The following ASXL2 variants were observed in gnomAD, a reference collection of about 807,000 sequenced individuals.
ASXL2 encodes the protein ASXL transcriptional regulator 2.
ASXL2 carries 23 observed loss-of-function variants against 122.0 expected under a neutral mutation model. That is an observed-to-expected ratio of 0.19 (90% CI 0.14 to 0.27). The LOEUF is 0.27. ASXL2 is among the 10% of genes least tolerant of loss of function. ASXL2 has a pLI of 1.00. For synonymous variants in ASXL2, 650 were observed against 637.0 expected, an observed-to-expected ratio of 1.02 and a Z score of -0.31; for missense variants, 1,518 against 1,713.8, an observed-to-expected ratio of 0.89 and a Z score of 2.02.
At chr2:25,867,740 T>C (rs1039498011) in intron 1 of ASXL2, among the ~76,000 whole-genome samples, 3 of 152,246 alleles carry the variant, frequency 2.0e-5, no homozygotes, top group Non-Finnish European at 4.4e-5. Flanking sequence ...TCTTCCATTA[T>C]GCTACACAAC....
chr2:25,855,911 A>ATTTATTTATT (rs60921801), intron 1 of ASXL2, among the ~76,000 whole-genome samples: 1 of 150,828 alleles, frequency 6.6e-6, no homozygotes, highest in Non-Finnish European at 1.5e-5. Context: ...TTATTTATTT[A>ATTTATTTATT]GAGACAGAGT....
rs536744755 is a variant in ASXL2 at position 25,760,094 on chromosome 2, T to C, written c.776-449A>G. 3.9e-5 allele frequency among the ~76,000 whole-genome samples: 6 copies of C among 152,188 alleles called. No homozygotes were observed. In the East Asian group the frequency reaches 1.2e-3, roughly 29 times the overall value. On this transcript the variant is annotated intron_variant, in intron 8 of 12. Coordinates refer to ENST00000435504, the MANE Select transcript of ASXL2 (RefSeq NM_018263.6). ...TAATTTACATTGGCTAAAAATATTATGATTTAATAGCCTAGCAGTTTCAGG... is the reference window on the plus strand; with the variant it reads ...TAATTTACATTGGCTAAAAATATTACGATTTAATAGCCTAGCAGTTTCAGG...
intron 3 of ASXL2, chr2:25,810,449 C>T (rs563624844): frequency 2.8e-5 from 20 of 708,940 alleles, no homozygotes; most frequent in South Asian, 1.4e-4. Context: ...GCAGTGGCCA[C>T]GTGCTCCTGA....
chr2:25,842,444 CCTG>C (rs951867464), intron 2 of ASXL2, among the ~76,000 whole-genome samples: 8 of 151,884 alleles, frequency 5.3e-5, no homozygotes, highest in African/African-American at 1.9e-4. Context: ...TCCATTTTTT[CCTG>C]CTGTTTTTGT....
intron 3 of ASXL2, among the ~76,000 whole-genome samples, chr2:25,814,675 G>A (rs1553701795): frequency 6.6e-6 from 1 of 152,210 alleles, no homozygotes; most frequent in Non-Finnish European, 1.5e-5. Context: ...AAGGCCCAAA[G>A]AACTAAAGTG....
Position 25,743,162 on chromosome 2 carries a change from T to C in ASXL2, c.3175A>G (p.Ser1059Gly). Residue 1059 changes from serine (S) to glycine (G), a missense_variant, in exon 13 of 13, where the codon AGT becomes GGT. Physicochemically the swap from Ser to Gly is moderately conservative, Grantham distance 56 (BLOSUM62 0). Coordinates refer to ENST00000435504, the MANE Select transcript of ASXL2 (RefSeq NM_018263.6). Reference protein sequence around the residue: ...IDTHQYHEGLSKATQDQILQT... With the variant: ...IDTHQYHEGLGKATQDQILQT... Reference sequence around the variant, plus strand: ...AGGATCTGATCTTGGGTTGCTTTACTTAGTCCTTCGTGGTATTGGTGTGTG... The same window carrying C: ...AGGATCTGATCTTGGGTTGCTTTACCTAGTCCTTCGTGGTATTGGTGTGTG... 1 of 1,614,030 alleles carries C rather than the reference T, an allele frequency of 6.2e-7. No homozygotes were observed. The highest frequency in any genetic ancestry group is 8.5e-7 in the Non-Finnish European group (1 of 1,179,896).
chr2:25,831,516 T>C (rs968187261), intron 3 of ASXL2, among the ~76,000 whole-genome samples: 1 of 151,928 alleles, frequency 6.6e-6, no homozygotes, highest in Non-Finnish European at 1.5e-5. Context: ...TAGATAGGCA[T>C]GGTGGTGCAC....
chr2:25,868,706 A>C (rs2089930281), intron 1 of ASXL2, among the ~76,000 whole-genome samples: 1 of 152,212 alleles, frequency 6.6e-6, no homozygotes, highest in African/African-American at 2.4e-5. Flanking sequence ...AATATATTTG[A>C]CTAGCTTTAT....
At chr2:25,865,212 C>G (rs1364545728) in intron 1 of ASXL2, among the ~76,000 whole-genome samples, 1 of 149,990 alleles carries the variant, frequency 6.7e-6, no homozygotes, top group East Asian at 2.1e-4. Context: ...GGGTGGCTCA[C>G]TTGAGGCCAG....
intron 3 of ASXL2, among the ~76,000 whole-genome samples, chr2:25,832,571 C>CA (rs371192944): frequency 4.4e-3 from 625 of 140,848 alleles, no homozygotes; most frequent in African/African-American, 0.013. Context: ...CAGCATGGGC[C>CA]AAAAAAAAAA....
intron 3 of ASXL2, among the ~76,000 whole-genome samples, chr2:25,818,128 C>T (rs140252194): frequency 8.4e-4 from 128 of 152,306 alleles, no homozygotes; most frequent in African/African-American, 3.0e-3. Flanking sequence ...GCTTTGCAAA[C>T]CTATGATAGA....
intron 1 of ASXL2, chr2:25,857,090 C>CGGGGG (rs768937739): frequency 2.2e-4 from 13 of 58,458 alleles, no homozygotes; most frequent in African/African-American, 6.1e-4. Context: ...TTGGGGGGGG[C>CGGGGG]GGGGGGGGGG....
intron 3 of ASXL2, among the ~76,000 whole-genome samples, chr2:25,832,936 TC>T (rs2089470920): frequency 6.6e-6 from 1 of 151,968 alleles, no homozygotes; most frequent in African/African-American, 2.4e-5. Flanking sequence ...GGGGAGCCAA[TC>T]CCAGATGGTT....
intron 3 of ASXL2, among the ~76,000 whole-genome samples, chr2:25,833,966 G>C (rs2089481883): frequency 6.6e-6 from 1 of 152,122 alleles, no homozygotes; most frequent in South Asian, 2.1e-4. Flanking sequence ...TCTTGCCTTT[G>C]AGTCTGAGTC....
rs1278125099 is a variant in ASXL2 at position 25,743,730 on chromosome 2, T to C, written c.2607A>G (p.Ser869=). The change falls in exon 13 of 13, where the codon TCA becomes TCG. Residue 869 remains serine, a synonymous_variant. Coordinates refer to ENST00000435504, the MANE Select transcript of ASXL2 (RefSeq NM_018263.6). Reference sequence around the variant, plus strand: ...CACTAGCATCTGTCTTTGATGAGGCTGAAGGGTTAGGTATATTCTTACTAG... The same window carrying C: ...CACTAGCATCTGTCTTTGATGAGGCCGAAGGGTTAGGTATATTCTTACTAG... ...AGPSKNIPNP[S]ASSKTDASVP... 1 of 1,614,010 alleles carries C rather than the reference T, an allele frequency of 6.2e-7. No homozygotes were observed. The highest frequency in any genetic ancestry group is 1.3e-5 in the African/African-American group (1 of 75,040).
In ASXL2 at chr2:25,759,436, T is replaced by C. The variant is rs769083067; in HGVS notation, c.939+46A>G. ...TACCATTAATACCACTTTACAAGTATACATAAACAGCTATTTTTAAAATCT... is the reference window on the plus strand; with the variant it reads ...TACCATTAATACCACTTTACAAGTACACATAAACAGCTATTTTTAAAATCT... On this transcript the variant is annotated intron_variant, in intron 9 of 12. Coordinates refer to ENST00000435504, the MANE Select transcript of ASXL2 (RefSeq NM_018263.6). The C allele has an allele frequency of 3.2e-6, 5 of 1,575,548 alleles. No homozygotes were observed. In the East Asian group the frequency reaches 1.1e-4, roughly 35 times the overall value.
chr2:25,821,643 G>A lies in ASXL2; in HGVS notation c.143+13895C>T, dbSNP rs1027326340. ...CTGTTCCCATATTTTCTATGAACAC[G>A]TATATATTCTCCCAGGGTCCCAGGG... On this transcript the variant is annotated intron_variant, in intron 3 of 12. Coordinates refer to ENST00000435504, the MANE Select transcript of ASXL2 (RefSeq NM_018263.6). Among the ~76,000 whole-genome samples the A allele has an allele frequency of 2.0e-5, 3 of 152,140 alleles. No homozygotes were observed. The East Asian group carries it at 5.8e-4, about 29-fold the overall frequency.
chr2:25,746,902 A>G (rs966512008), intron 12 of ASXL2, among the ~76,000 whole-genome samples: 3 of 152,194 alleles, frequency 2.0e-5, no homozygotes, highest in Admixed American at 2.0e-4. Context: ...TTAAGTGTAC[A>G]GTCATCCCTT....
intron 2 of ASXL2, among the ~76,000 whole-genome samples, chr2:25,840,584 C>T (rs1239772022): frequency 6.6e-6 from 1 of 152,118 alleles, no homozygotes; most frequent in Non-Finnish European, 1.5e-5. Flanking sequence ...TATGAACTTA[C>T]CTATTTTAGG....
Sources: gnomAD v4.1 joint callset for allele counts (sites outside exome capture counted in the v4.1 genomes callset) on GRCh38, gnomAD v4.1.1 for gene constraint, MANE v1.5 for transcripts, NCBI Gene and HGNC (gene_info 2026-07-23, HGNC 2026-07-21) for gene names.